SLC6A11: variants seen among roughly 807,000 people sequenced by gnomAD.
SLC6A11 encodes the protein solute carrier family 6 member 11.
A neutral mutation model predicts 74.8 loss-of-function variants in SLC6A11; 25 were observed. That is an observed-to-expected ratio of 0.33 (90% confidence interval 0.24 to 0.47). The LOEUF is 0.47. Ranked by LOEUF, SLC6A11 falls within the 20% of genes least tolerant of loss-of-function variation. SLC6A11 has a pLI of 1.00. For synonymous variants in SLC6A11, 330 were observed against 330.2 expected, an observed-to-expected ratio of 1.00 and a Z score of 0.01; for missense variants, 574 against 837.0, an observed-to-expected ratio of 0.69 and a Z score of 3.88.
chr3:10,876,790 A>C (rs1303704662), intron 6 of SLC6A11, among the ~76,000 whole-genome samples: 1 of 139,958 alleles, frequency 7.1e-6, no homozygotes, highest in African/African-American at 2.6e-5. Flanking sequence ...GAGAGAAAAA[A>C]AAAAAACAAA....
chr3:10,917,870 G>A (rs1285334305), intron 7 of SLC6A11, among the ~76,000 whole-genome samples: 1 of 152,172 alleles, frequency 6.6e-6, no homozygotes, highest in African/African-American at 2.4e-5. Flanking sequence ...CCCGGAGGCT[G>A]CCGGAGCTTC....
rs554758831 is a variant in SLC6A11 at position 10,915,234 on chromosome 3, G to C, written c.995+3041G>C. Among the ~76,000 whole-genome samples the C allele has an allele frequency of 5.3e-5, 8 of 152,264 alleles. No individual in the cohort carries two copies. In the South Asian group the frequency reaches 1.7e-3, roughly 32 times the overall value. Reference sequence around the variant, plus strand: ...GCCAAAACTGCCTTGTCTCCAGCCTGTGTCTTGGGGCAGTGGCAGCTTCAT... The same window carrying C: ...GCCAAAACTGCCTTGTCTCCAGCCTCTGTCTTGGGGCAGTGGCAGCTTCAT... On this transcript the variant is annotated intron_variant, in intron 7 of 13. Coordinates refer to ENST00000254488, the MANE Select transcript of SLC6A11 (RefSeq NM_014229.3). The surrounding 1 kb of genome is among the most constrained non-coding windows in gnomAD (Gnocchi z 4.3).
Position 10,915,466 on chromosome 3 carries a change from G to C in SLC6A11, c.996-2863G>C, listed in dbSNP as rs1461308255. Among the ~76,000 whole-genome samples the C allele has an allele frequency of 1.3e-5, 2 of 152,158 alleles. No homozygotes were observed. Among genetic ancestry groups the C allele is most frequent in the Non-Finnish European group, 2.9e-5 (2 of 68,040 alleles). On this transcript the variant is annotated intron_variant, in intron 7 of 13. Coordinates refer to ENST00000254488, the MANE Select transcript of SLC6A11 (RefSeq NM_014229.3). The surrounding 1 kb of genome is among the most constrained non-coding windows in gnomAD (Gnocchi z 4.3). Reference sequence around the variant, plus strand: ...TTCTCAACTCCAGTGGAGTAAATTAGTACCCTCTCTCCTGACAGCATAATA... The same window carrying C: ...TTCTCAACTCCAGTGGAGTAAATTACTACCCTCTCTCCTGACAGCATAATA...
intron 1 of SLC6A11, among the ~76,000 whole-genome samples, chr3:10,818,934 G>A (rs965215250): frequency 1.3e-5 from 2 of 152,174 alleles, no homozygotes; most frequent in African/African-American, 4.8e-5. Context: ...GGCCTCATGT[G>A]TAGGGGTACT....
chr3:10,921,654 T>G (rs1297229584), intron 8 of SLC6A11, among the ~76,000 whole-genome samples: 1 of 152,038 alleles, frequency 6.6e-6, no homozygotes, highest in African/African-American at 2.4e-5. Context: ...ATATTAAATT[T>G]AAATGGACCA....
At chr3:10,873,693 CTAT>C (rs1334917693) in intron 5 of SLC6A11, among the ~76,000 whole-genome samples, 1 of 103,884 alleles carries the variant, frequency 9.6e-6, no homozygotes, top group African/African-American at 5.2e-5. Flanking sequence ...CCGTCCCATC[CTAT>C]CCTATCCTAT....
chr3:10,819,425 G>T, intron 1 of SLC6A11, 40 bp from the exon 2 acceptor site: 1 of 1,583,472 alleles, frequency 6.3e-7, no homozygotes, highest in Non-Finnish European at 8.6e-7. Flanking sequence ...GTATGAATCG[G>T]CAGGGACAGT....
intron 6 of SLC6A11, among the ~76,000 whole-genome samples, chr3:10,902,280 G>A (rs1158751856): frequency 6.6e-6 from 1 of 152,258 alleles, no homozygotes; most frequent in East Asian, 1.9e-4. Flanking sequence ...ACAGCAAGGA[G>A]CCTAGGAGGG....
intron 5 of SLC6A11, among the ~76,000 whole-genome samples, chr3:10,855,669 G>T (rs1479341683): frequency 1.3e-5 from 2 of 150,480 alleles, no homozygotes; most frequent in African/African-American, 4.8e-5. Context: ...CAAGATTACA[G>T]GCTGGAGTGT....
intron 8 of SLC6A11, among the ~76,000 whole-genome samples, chr3:10,919,874 G>A (rs1397791747): frequency 1.3e-5 from 2 of 152,130 alleles, no homozygotes; most frequent in African/African-American, 4.8e-5. Context: ...CTTAACTAAG[G>A]ACACACAGGC....
At chr3:10,873,479 C>T (rs964227993) in intron 5 of SLC6A11, among the ~76,000 whole-genome samples, 2 of 112,128 alleles carry the variant, frequency 1.8e-5, no homozygotes, top group African/African-American at 3.8e-5. Flanking sequence ...CCTACCCTAC[C>T]ATACCCTACC....
intron 7 of SLC6A11, among the ~76,000 whole-genome samples, chr3:10,912,844 A>G (rs1695405479): frequency 1.3e-5 from 2 of 152,150 alleles, no homozygotes; most frequent in South Asian, 4.2e-4. Context: ...ATCTAGGATG[A>G]TGGTCAGTCT....
Position 10,816,398 on chromosome 3 carries a change from A to C in SLC6A11, c.133A>C (p.Lys45Gln). ...PARHPRVKRD[K>Q]AVHERGHWNN... ...GCGCCACCCGCGCGTCAAGCGCGAC[A>C]AGGCGGTCCACGAGCGCGGCCACTG... Residue 45 changes from lysine to glutamine, a missense_variant, in exon 1 of 14, where the codon AAG becomes CAG. By Grantham distance (53) the Lys-to-Gln change is moderately conservative. Around this residue, in one of 4 missense-constraint regions of SLC6A11, gnomAD observed 86 missense variants for 87.4 expected, o/e 0.98. Coordinates refer to ENST00000254488, the MANE Select transcript of SLC6A11 (RefSeq NM_014229.3). This position sits in a 1 kb window ranked among gnomAD's most constrained non-coding sequence, Gnocchi z 4.2. The C allele has an allele frequency of 6.4e-7, 1 of 1,574,366 alleles. No individual in the cohort carries two copies. The highest frequency in any genetic ancestry group is 2.4e-5 in the East Asian group (1 of 41,144).
intron 12 of SLC6A11, 121 bp downstream of exon 12, chr3:10,934,287 T>G (rs983512135): frequency 8.8e-6 from 6 of 679,554 alleles, no homozygotes; most frequent in Non-Finnish European, 1.3e-5. Context: ...TGATGTCCCC[T>G]GGTTCAGGCC....
chr3:10,906,582 AG>A (rs1053815991), intron 6 of SLC6A11, among the ~76,000 whole-genome samples: 3 of 152,208 alleles, frequency 2.0e-5, no homozygotes, highest in African/African-American at 4.8e-5. Flanking sequence ...TCAAATGAGG[AG>A]GGGGTCTATG....
chr3:10,920,235 T>C (rs1695518256), intron 8 of SLC6A11, among the ~76,000 whole-genome samples: 1 of 152,132 alleles, frequency 6.6e-6, no homozygotes, highest in South Asian at 2.1e-4. Flanking sequence ...CCAACTAAAA[T>C]TAAATTTTGG....
intron 10 of SLC6A11, among the ~76,000 whole-genome samples, chr3:10,931,010 T>C (rs1695678509): frequency 6.6e-6 from 1 of 152,142 alleles, no homozygotes; most frequent in Non-Finnish European, 1.5e-5. Flanking sequence ...TTCATGGTAA[T>C]TACTGGAAGG....
At chr3:10,880,784 CAT>C (rs1263463807) in intron 6 of SLC6A11, among the ~76,000 whole-genome samples, 15 of 152,160 alleles carry the variant, frequency 9.9e-5, no homozygotes, top group Non-Finnish European at 2.1e-4. Context: ...TTACAACAAA[CAT>C]GTGTCCCATT....
At chr3:10,826,337 G>C (rs999880734) in intron 4 of SLC6A11, among the ~76,000 whole-genome samples, 16 of 152,160 alleles carry the variant, frequency 1.1e-4, no homozygotes, top group African/African-American at 3.6e-4. Context: ...GGGCCTGTGT[G>C]GTCTTTCCCA....
Sources: gnomAD v4.1 joint callset for allele counts (sites outside exome capture counted in the v4.1 genomes callset) on GRCh38, gnomAD v4.1.1 for gene constraint, gnomAD v4.1.1 regional missense constraint, Gnocchi (gnomAD v3.1) non-coding constraint, MANE v1.5 for transcripts, NCBI Gene and HGNC (gene_info 2026-07-23, HGNC 2026-07-21) for gene names.